PLEKHG3: variants seen among roughly 807,000 people sequenced by gnomAD.
PLEKHG3 encodes the protein pleckstrin homology and RhoGEF domain containing G3, also known as pleckstrin homology domain-containing family G member 3.
Under a neutral mutation model 94.9 loss-of-function variants are expected in PLEKHG3, and 62 were observed. The ratio of observed to expected loss-of-function variants is 0.65; its 90% CI spans 0.53 to 0.81. The LOEUF is 0.81. PLEKHG3 is among the 30% of genes least tolerant of loss of function. The probability of loss-of-function intolerance (pLI) is 0.00; values close to 1 mark genes in which losing one functional copy is unlikely to be tolerated. For synonymous variants in PLEKHG3, 614 were observed against 654.0 expected (o/e 0.94, Z 0.93); for missense variants, 1,461 against 1,619.3 (o/e 0.90, Z 1.68).
In PLEKHG3 at chr14:64,733,640, G is replaced by A. The variant is rs2081516492; in HGVS notation, c.1345+739G>A. ...TCCTGGAACAACCGAGCAGAAGCAG[G>A]ACCCGGGGAAAACGAGTTCAGTGGC... is the stretch of plus-strand genomic sequence containing the variant. On this transcript the variant is annotated intron_variant, in intron 12 of 16. Coordinates refer to ENST00000247226, the MANE Select transcript of PLEKHG3 (RefSeq NM_001308147.2). 2.6e-5 allele frequency among the ~76,000 whole-genome samples: 4 copies of A among 152,180 alleles called. 1 individual carries two copies. The South Asian group carries it at 8.3e-4, about 31-fold the overall frequency.
intron 1 of PLEKHG3, among the ~76,000 whole-genome samples, chr14:64,714,357 A>C (rs2081105020): frequency 6.6e-6 from 1 of 152,156 alleles, no homozygotes; most frequent in African/African-American, 2.4e-5. Flanking sequence ...TGCTTCTTAC[A>C]ATACAGGTCT....
In PLEKHG3 at chr14:64,743,638, C is replaced by T; in HGVS notation, c.3595C>T (p.Pro1199Ser). ...AGAGGGTTCCAGGGACCCGGCAGAC[C>T]CGAGCCAGCAGGGCAGAGTGAGAAA... ...KEEGSRDPAD[P>S]SQQGRVRNLR... is the part of the protein sequence containing the mutation. Residue 1199 changes from proline (P) to serine (S), a missense_variant, in exon 17 of 17, where the codon CCG becomes TCG. Coordinates refer to ENST00000247226, the MANE Select transcript of PLEKHG3 (RefSeq NM_001308147.2). This position sits in a 1 kb window ranked among gnomAD's most constrained non-coding sequence, Gnocchi z 7.2. 6.2e-7 allele frequency: 1 copy of T among 1,611,290 alleles called. No homozygotes were observed. Among genetic ancestry groups the T allele is most frequent in the Non-Finnish European group, 8.5e-7 (1 of 1,179,394 alleles).
In PLEKHG3 at chr14:64,732,189, C is replaced by T. The variant is rs1405619298; in HGVS notation, c.1212+8C>T. 6.2e-7 allele frequency: 1 copy of T among 1,606,494 alleles called. No homozygotes were observed. Among genetic ancestry groups the T allele is most frequent in the Admixed American group, 1.7e-5 (1 of 60,016 alleles). On this transcript the variant is annotated splice_region_variant and intron_variant, in intron 10 of 16. Coordinates refer to ENST00000247226, the MANE Select transcript of PLEKHG3 (RefSeq NM_001308147.2). The surrounding 1 kb of genome is among the most constrained non-coding windows in gnomAD (Gnocchi z 4.9). Reference sequence around the variant, plus strand: ...GCCACCATTCCCCAGAAGGTGAGTTCCCCCAGCTCCTGACTGTGTGCAAGG... The same window carrying T: ...GCCACCATTCCCCAGAAGGTGAGTTTCCCCAGCTCCTGACTGTGTGCAAGG...
rs2081306564 is a variant in PLEKHG3, at chr14:64,723,858, C to G, written c.-39-3735C>G. ...TGATTGATGACTGACTGGATTGATTCATGTTGCAAGATGGAAGAGGTCATG... is the reference window on the plus strand; with the variant it reads ...TGATTGATGACTGACTGGATTGATTGATGTTGCAAGATGGAAGAGGTCATG... On this transcript the variant is annotated intron_variant, in intron 1 of 16. Transcript: ENST00000247226. This position sits in a 1 kb window ranked among gnomAD's most constrained non-coding sequence, Gnocchi z 4.5. 6.6e-6 allele frequency: 1 copy of G among 152,204 alleles called. No homozygotes were observed. Among genetic ancestry groups the G allele is most frequent in the Non-Finnish European group, 1.5e-5 (1 of 68,092 alleles). 9.4% of individuals were successfully genotyped at this position (152,204 alleles called of 1,614,324 possible).
At chr14:64,710,453 T>C (rs1394726496) in intron 1 of PLEKHG3, among the ~76,000 whole-genome samples, 1 of 152,214 alleles carries the variant, frequency 6.6e-6, no homozygotes, top group Non-Finnish European at 1.5e-5. Flanking sequence ...GTGGATCACC[T>C]GAGGTCGGGA....
In PLEKHG3 at chr14:64,704,817, C is replaced by T. The variant is rs1260685006; in HGVS notation, c.-40+113C>T. ...TCCCTTCGCGGCCCCCGTGCCAGCC[C>T]CCTGCGGGGTGAGGACCGGGGCGAC... On this transcript the variant is annotated intron_variant, in intron 1 of 16. Transcript: ENST00000247226. This position sits in a 1 kb window ranked among gnomAD's most constrained non-coding sequence, Gnocchi z 5.6. 1 of 152,624 alleles carries T rather than the reference C, an allele frequency of 6.6e-6. No individual in the cohort carries two copies. Among genetic ancestry groups the T allele is most frequent in the Non-Finnish European group, 1.5e-5 (1 of 68,350 alleles). The allele number at this position is 152,624 out of a possible 1,614,324, so 9.5% of individuals were successfully genotyped here. A position where few individuals can be genotyped will look rare whatever the true frequency, so the allele number is the denominator to read the frequency against.
chr14:64,743,205 C>G lies in PLEKHG3; in HGVS notation c.3162C>G (p.Cys1054Trp). 1 of 1,610,026 alleles carries G rather than the reference C, an allele frequency of 6.2e-7. No homozygotes were observed. The highest frequency in any genetic ancestry group is 8.5e-7 in the Non-Finnish European group (1 of 1,179,848). The change falls in exon 17 of 17, where the codon TGC becomes TGG. Residue 1054 changes from cysteine to tryptophan, a missense_variant. Cys to Trp is a radical substitution (Grantham distance 215). This residue lies in a region of PLEKHG3 where 1,201 missense variants were observed against 1,295.5 expected (regional missense o/e 0.93). Transcript: ENST00000247226. This position sits in a 1 kb window ranked among gnomAD's most constrained non-coding sequence, Gnocchi z 7.2. Reference sequence around the variant, plus strand: ...GCTGGCCCGACGTCCGTGAGCTCTGCTCCAAGTATGCCTCCCGCGATGAGG... The same window carrying G: ...GCTGGCCCGACGTCCGTGAGCTCTGGTCCAAGTATGCCTCCCGCGATGAGG... ...TFSWPDVREL[C>W]SKYASRDEAR...
intron 1 of PLEKHG3, among the ~76,000 whole-genome samples, chr14:64,705,394 A>T (rs1387581893): frequency 2.0e-5 from 3 of 152,198 alleles, no homozygotes; most frequent in Non-Finnish European, 4.4e-5. Flanking sequence ...GCGCCTTTGG[A>T]ACACAAAAGG....
rs2081910553 is a variant in PLEKHG3, at chr14:64,749,576, G to T, written c.*5873G>T. On this transcript the variant is annotated 3_prime_UTR_variant, in exon 17 of 17. Transcript: ENST00000247226. The surrounding 1 kb of genome is among the most constrained non-coding windows in gnomAD (Gnocchi z 4.7). ...CTCTTGGGACTGCCCCTTCTGAGGG[G>T]GCCTCCAGGGCAAGCGGCCTGGGGT... 3 of 1,607,230 alleles carry T rather than the reference G, an allele frequency of 1.9e-6. No individual in the cohort carries two copies. The highest frequency in any genetic ancestry group is 1.7e-6 in the Non-Finnish European group (2 of 1,179,154).
In PLEKHG3 at chr14:64,718,854, G is replaced by T. The variant is rs1441934019; in HGVS notation, c.-39-8739G>T. Among the ~76,000 whole-genome samples, 1 of 152,150 alleles carries T rather than the reference G, an allele frequency of 6.6e-6. No homozygotes were observed. The highest frequency in any genetic ancestry group is 1.5e-5 in the Non-Finnish European group (1 of 68,028). On this transcript the variant is annotated intron_variant, in intron 1 of 16. Coordinates refer to ENST00000247226, the MANE Select transcript of PLEKHG3 (RefSeq NM_001308147.2). This position sits in a 1 kb window ranked among gnomAD's most constrained non-coding sequence, Gnocchi z 5.0. The stretch of plus-strand genomic sequence containing the variant: ...TTAAAACCCACGGACCAGTGTCAAG[G>T]ATGGTTTTTGTTAATCACTTGTGCT...
Position 64,730,745 on chromosome 14 carries a change from A to G in PLEKHG3, c.567-54A>G, listed in dbSNP as rs2081441997. The G allele has an allele frequency of 2.5e-6, 4 of 1,612,436 alleles. No homozygotes were observed. Among genetic ancestry groups the G allele is most frequent in the African/African-American group, 1.3e-5 (1 of 74,894 alleles). The stretch of plus-strand genomic sequence containing the variant: ...CCATTTGGTGAGTCCAGAGCCCCCC[A>G]CTTCCTCATCCAGGCCTTCCCCAGG... On this transcript the variant is annotated intron_variant, in intron 5 of 16. Transcript: ENST00000247226. This position sits in a 1 kb window ranked among gnomAD's most constrained non-coding sequence, Gnocchi z 5.4.
At chr14:64,706,812 G>A (rs2139354103) in intron 1 of PLEKHG3, among the ~76,000 whole-genome samples, 1 of 152,378 alleles carries the variant, frequency 6.6e-6, no homozygotes, top group East Asian at 1.9e-4. Flanking sequence ...CTCTGTTGCA[G>A]AGGTATGCCT....
rs1210105908 is a variant in PLEKHG3 at position 64,739,863 on chromosome 14, C to A, written c.1518+1008C>A. On this transcript the variant is annotated intron_variant, in intron 15 of 16. Transcript: ENST00000247226. This position sits in a 1 kb window ranked among gnomAD's most constrained non-coding sequence, Gnocchi z 4.1. ...AAGGCCCCCCCTCTCATTCCCATCA[C>A]ACTGGGTGTTAGCCTCCACATGGCA... is the stretch of plus-strand genomic sequence containing the variant. Among the ~76,000 whole-genome samples, 1 of 152,198 alleles carries A rather than the reference C, an allele frequency of 6.6e-6. No homozygotes were observed. The highest frequency in any genetic ancestry group is 1.5e-5 in the Non-Finnish European group (1 of 68,040).
intron 12 of PLEKHG3, among the ~76,000 whole-genome samples, chr14:64,734,448 G>A (rs1399757563): frequency 6.6e-6 from 1 of 152,160 alleles, no homozygotes; most frequent in African/African-American, 2.4e-5. Flanking sequence ...TTTAGCTATG[G>A]ATGTACAACT....
chr14:64,718,009 G>A lies in PLEKHG3; in HGVS notation c.-39-9584G>A, dbSNP rs187297367. 3.3e-4 allele frequency among the ~76,000 whole-genome samples: 51 copies of A among 152,312 alleles called. No individual in the cohort carries two copies. The highest frequency in any genetic ancestry group is 6.2e-4 in the Non-Finnish European group (42 of 68,030). ...CCTGGCCTCTTGTTGCCAGTTGCCCGGGGCGTGGGGGTGGTCTGGGTCCTC... is the reference window on the plus strand; with the variant it reads ...CCTGGCCTCTTGTTGCCAGTTGCCCAGGGCGTGGGGGTGGTCTGGGTCCTC... On this transcript the variant is annotated intron_variant, in intron 1 of 16. Transcript: ENST00000247226. This position sits in a 1 kb window ranked among gnomAD's most constrained non-coding sequence, Gnocchi z 5.0.
Position 64,731,190 on chromosome 14 carries a change from TG to T in PLEKHG3, c.849+26del. On this transcript the variant is annotated intron_variant, in intron 7 of 16. Transcript: ENST00000247226. This position sits in a 1 kb window ranked among gnomAD's most constrained non-coding sequence, Gnocchi z 6.1. ...TCCAGGTGCTCTGGGGCTGGGACGCTGGGGGAGGGGCAGGGCTGGGTGGGCC... is the reference window on the plus strand; with the variant it reads ...TCCAGGTGCTCTGGGGCTGGGACGCTGGGGAGGGGCAGGGCTGGGTGGGCC... The T allele has an allele frequency of 4.0e-6, 4 of 1,005,186 alleles. No homozygotes were observed. Among genetic ancestry groups the T allele is most frequent in the Non-Finnish European group, 4.4e-6 (3 of 684,344 alleles). The allele number at this position is 1,005,186 out of a possible 1,614,324, so 62.3% of individuals were successfully genotyped here. A position where few individuals can be genotyped will look rare whatever the true frequency, so the allele number is the denominator to read the frequency against.
chr14:64,727,832 C>G lies in PLEKHG3; in HGVS notation c.201C>G (p.Ser67Arg), dbSNP rs779385996. The change falls in exon 2 of 17, where the codon AGC becomes AGG. Residue 67 changes from serine (S) to arginine (R), a missense_variant. Around this residue, in one of 3 missense-constraint regions of PLEKHG3, gnomAD observed 253 missense variants for 297.8 expected, o/e 0.85. Transcript: ENST00000247226. The surrounding 1 kb of genome is among the most constrained non-coding windows in gnomAD (Gnocchi z 6.0). ...HLPNSNNNSS[S>R]WLNVKGPLSP... is the part of the protein sequence containing the mutation. ...CCAACAGCAACAACAACTCCAGCAG[C>G]TGGTTGAACGTGAAGGGGCCCCTCT... 12 of 1,613,048 alleles carry G rather than the reference C, an allele frequency of 7.4e-6. No homozygotes were observed. The African/African-American group carries it at 1.1e-4, about 14-fold the overall frequency.
At position 64,732,023 on chromosome 14, in the gene PLEKHG3, G is replaced by A; in HGVS notation, c.1126-72G>A. 8.7e-7 allele frequency: 1 copy of A among 1,154,280 alleles called. No individual in the cohort carries two copies. Among genetic ancestry groups the A allele is most frequent in the South Asian group, 1.2e-5 (1 of 81,360 alleles). 71.5% of individuals were successfully genotyped at this position (1,154,280 alleles called of 1,614,324 possible). ...CCCCACTTTTTCTCCCTGGGTGGAA[G>A]CACTGTCCATGCTAGACAGCTTCAG... On this transcript the variant is annotated intron_variant, in intron 9 of 16. Coordinates refer to ENST00000247226, the MANE Select transcript of PLEKHG3 (RefSeq NM_001308147.2). This position sits in a 1 kb window ranked among gnomAD's most constrained non-coding sequence, Gnocchi z 4.9.
At position 64,720,483 on chromosome 14, in the gene PLEKHG3, A is replaced by G. The variant is rs949210861; in HGVS notation, c.-39-7110A>G. ...TGAGCTCATCCCGGCGCCATCTCAG[A>G]GTCCTTCCAGCAGGCATTTATTGAA... On this transcript the variant is annotated intron_variant, in intron 1 of 16. Transcript: ENST00000247226. The surrounding 1 kb of genome is among the most constrained non-coding windows in gnomAD (Gnocchi z 4.1). 1.3e-5 allele frequency among the ~76,000 whole-genome samples: 2 copies of G among 152,186 alleles called. No individual in the cohort carries two copies. The highest frequency in any genetic ancestry group is 4.8e-5 in the African/African-American group (2 of 41,436).
Sources: allele counts gnomAD v4.1 joint callset (sites outside exome capture counted in the v4.1 genomes callset), GRCh38; gene constraint gnomAD v4.1.1; regional missense constraint gnomAD v4.1.1; non-coding constraint Gnocchi (gnomAD v3.1); transcripts MANE v1.5; gene names NCBI Gene and HGNC (gene_info 2026-07-23, HGNC 2026-07-21).